USP42: variants seen among roughly 807,000 people sequenced by gnomAD.
USP42 encodes the protein ubiquitin carboxyl-terminal hydrolase 42.
A neutral mutation model predicts 113.0 loss-of-function variants in USP42; 23 were observed. That is an observed-to-expected ratio of 0.20 (90% confidence interval 0.15 to 0.29). USP42 has a LOEUF of 0.29. Among genes scored for constraint, USP42 ranks in the 10% least tolerant of loss-of-function variants. USP42 has a pLI of 1.00. For missense variants in USP42, 2,174 were observed against 1,779.8 expected (o/e 1.22, Z -3.99); for synonymous variants, 933 against 699.0 (o/e 1.33, Z -5.28).
intron 1 of USP42, among the ~76,000 whole-genome samples, chr7:6,108,382 A>G (rs1779409492): frequency 6.6e-6 from 1 of 152,170 alleles, no homozygotes; most frequent in Non-Finnish European, 1.5e-5. Context: ...TACAAAAAAG[A>G]AAAACCCCAG....
chr7:6,153,418 A>T (rs958263528), intron 14 of USP42, among the ~76,000 whole-genome samples: 1 of 152,186 alleles, frequency 6.6e-6, no homozygotes. Flanking sequence ...TTGATGATAT[A>T]ACATTTTATT....
At position 6,109,277 on chromosome 7, in the gene USP42, A is replaced by T. The variant is rs187847013; in HGVS notation, c.-9-1848A>T. On this transcript the variant is annotated intron_variant, in intron 1 of 17. Coordinates refer to ENST00000306177, the MANE Select transcript of USP42 (RefSeq NM_032172.3). ...AAAACAAGACTTCAGCATGGTGGGA[A>T]CGTGACGGAGAGGGTGTTTGGCGAG... 1.9e-3 allele frequency among the ~76,000 whole-genome samples: 291 copies of T among 152,276 alleles called. 1 individual carries two copies. Among genetic ancestry groups the T allele is most frequent in the African/African-American group, 6.8e-3 (282 of 41,570 alleles).
intron 14 of USP42, among the ~76,000 whole-genome samples, chr7:6,151,957 G>T (rs573525366): frequency 6.6e-6 from 1 of 152,256 alleles, no homozygotes; most frequent in Admixed American, 6.5e-5. Context: ...CCGTATGTAT[G>T]AGGTACATGA....
At chr7:6,152,916 A>G in intron 14 of USP42, 1 of 985,280 alleles carries the variant, frequency 1.0e-6, no homozygotes, top group Non-Finnish European at 1.2e-6. Context: ...AGTCGAGAGG[A>G]AAGGAGGAGG....
At chr7:6,109,350 G>A (rs1227546491) in intron 1 of USP42, among the ~76,000 whole-genome samples, 2 of 152,154 alleles carry the variant, frequency 1.3e-5, no homozygotes, top group Admixed American at 6.5e-5. Context: ...ATGTTGTGCT[G>A]TGGGCAGTTG....
rs1186382704 is a variant in USP42 at position 6,157,050 on chromosome 7, G to T, written c.3938G>T (p.Gly1313Val). The change falls in exon 16 of 18, where the codon GGC becomes GTC. Residue 1313 changes from glycine (G) to valine (V), a missense_variant. By Grantham distance (109) the Gly-to-Val change is moderately radical (BLOSUM62 -3). Transcript: ENST00000306177. The surrounding 1 kb of genome is among the most constrained non-coding windows in gnomAD (Gnocchi z 4.1). ...GACAGGTGTCGTCTCTTTGAGTATG[G>T]CCAGGGTAAGAGGAGATACTTGGAA... ...RDDRCRLFEY[G>V]QGD The T allele has an allele frequency of 6.3e-7, 1 of 1,598,920 alleles. No homozygotes were observed. The highest frequency in any genetic ancestry group is 2.2e-5 in the East Asian group (1 of 44,758).
rs561519405 is a variant in USP42, at chr7:6,119,698, T to A, written c.442+4175T>A. Reference sequence around the variant, plus strand: ...TTCATTTAGGCCTTGTTTTTTGTTGTTGTTGTTGTTTTGTTTTTTTTTAGT... The same window carrying A: ...TTCATTTAGGCCTTGTTTTTTGTTGATGTTGTTGTTTTGTTTTTTTTTAGT... On this transcript the variant is annotated intron_variant, in intron 3 of 17. Transcript: ENST00000306177. Among the ~76,000 whole-genome samples the A allele has an allele frequency of 1.9e-4, 29 of 152,200 alleles. No individual in the cohort carries two copies. In the South Asian group the frequency reaches 4.6e-3, roughly 24 times the overall value.
Position 6,139,780 on chromosome 7 carries a change from ACT to A in USP42, c.657-343_657-342del, listed in dbSNP as rs759757244. 36 of 369,302 alleles carry A rather than the reference ACT, an allele frequency of 9.7e-5. No homozygotes were observed. The highest frequency in any genetic ancestry group is 1.5e-4 in the African/African-American group (7 of 47,514). The allele number at this position is 369,302 out of a possible 1,614,324, so 22.9% of individuals were successfully genotyped here. A position where few individuals can be genotyped will look rare whatever the true frequency, so the allele number is the denominator to read the frequency against. On this transcript the variant is annotated intron_variant, in intron 5 of 17. Transcript: ENST00000306177. This position sits in a 1 kb window ranked among gnomAD's most constrained non-coding sequence, Gnocchi z 4.5. Reference sequence around the variant, plus strand: ...GATGACATACTTGGGTCGGAGGAAGACTCTCTGCCTTTTCCGCCTCCGCTCCC... The same window carrying A: ...GATGACATACTTGGGTCGGAGGAAGACTCTGCCTTTTCCGCCTCCGCTCCC...
rs1282715247 is a variant in USP42 at position 6,154,973 on chromosome 7, T to C, written c.3419T>C (p.Val1140Ala). ...DRFSHDRTALVAGDNCNLSDR... is the reference protein window; with the variant it reads ...DRFSHDRTALAAGDNCNLSDR... ...TTCTCCCACGACAGAACTGCACTTG[T>C]AGCCGGAGACAACTGTAACCTCTCT... Residue 1140 changes from valine (V) to alanine (A), a missense_variant, in exon 15 of 18, where the codon GTA (valine) becomes GCA (alanine). Coordinates refer to ENST00000306177, the MANE Select transcript of USP42 (RefSeq NM_032172.3). The C allele has an allele frequency of 1.3e-6, 2 of 1,561,694 alleles. No individual in the cohort carries two copies. The highest frequency in any genetic ancestry group is 1.2e-5 in the South Asian group (1 of 84,662).
chr7:6,111,407 G>C (rs1194986295), intron 2 of USP42, 33 bp downstream of exon 2: 1 of 1,601,312 alleles, frequency 6.2e-7, no homozygotes, highest in African/African-American at 1.3e-5. Flanking sequence ...ATTACCGCCA[G>C]AAACTCCTGT....
At chr7:6,099,354 A>T in the USP42 span, among the ~76,000 whole-genome samples, 1 of 148,294 alleles carries the variant, frequency 6.7e-6, no homozygotes, top group East Asian at 2.0e-4. Context: ...AGCTGGGACT[A>T]CAGGCACCCG....
chr7:6,154,472 C>G lies in USP42; in HGVS notation c.2918C>G (p.Thr973Ser), dbSNP rs539833267. Reference sequence around the variant, plus strand: ...CCCGCCAGAGAGAGCAGGAGCAAGACTGAGGGCCACCGTCACCGGCGGCGC... The same window carrying G: ...CCCGCCAGAGAGAGCAGGAGCAAGAGTGAGGGCCACCGTCACCGGCGGCGC... Reference protein sequence around the residue: ...GEPARESRSKTEGHRHRRRRT... With the variant: ...GEPARESRSKSEGHRHRRRRT... Residue 973 changes from threonine to serine, a missense_variant, in exon 15 of 18, where the codon ACT (threonine) becomes AGT (serine). By Grantham distance (58) the Thr-to-Ser change is moderately conservative. Coordinates refer to ENST00000306177, the MANE Select transcript of USP42 (RefSeq NM_032172.3). 2 of 1,557,470 alleles carry G rather than the reference C, an allele frequency of 1.3e-6. No homozygotes were observed. The highest frequency in any genetic ancestry group is 1.7e-6 in the Non-Finnish European group (2 of 1,151,996).
chr7:6,087,223 C>T, the USP42 span, among the ~76,000 whole-genome samples: 5 of 146,006 alleles, frequency 3.4e-5, 1 homozygote, highest in Admixed American at 3.4e-4. Context: ...GTAGAGAAGG[C>T]GTTCACCATG....
intron 1 of USP42, among the ~76,000 whole-genome samples, chr7:6,109,959 C>T (rs943866758): frequency 2.0e-5 from 3 of 151,744 alleles, no homozygotes; most frequent in Non-Finnish European, 4.4e-5. Flanking sequence ...CCTCGGCCTC[C>T]CAAAATGCTG....
chr7:6,150,136 C>T lies in USP42; in HGVS notation c.1940C>T (p.Thr647Ile), dbSNP rs1562848553. The change falls in exon 13 of 18, where the codon ACT (threonine) becomes ATT (isoleucine). Residue 647 changes from threonine (T) to isoleucine (I), a missense_variant. By Grantham distance (89) the Thr-to-Ile change is moderately conservative. Coordinates refer to ENST00000306177, the MANE Select transcript of USP42 (RefSeq NM_032172.3). Reference sequence around the variant, plus strand: ...CAAGATGCCGAAGATGAGGAGGCCACTCCGCACGAGCTTCAAGAACCCATG... The same window carrying T: ...CAAGATGCCGAAGATGAGGAGGCCATTCCGCACGAGCTTCAAGAACCCATG... ...PGQDAEDEEA[T>I]PHELQEPMTL... The T allele has an allele frequency of 6.2e-7, 1 of 1,613,460 alleles. No individual in the cohort carries two copies. Among genetic ancestry groups the T allele is most frequent in the Non-Finnish European group, 8.5e-7 (1 of 1,179,608 alleles).
chr7:6,157,137 A>G lies in USP42; in HGVS notation c.3943+82A>G. ...TTGCAAAGGTGATTAACATGTAGAA[A>G]GAAAACCTCAGGTGGCATCAAAGGG... On this transcript the variant is annotated intron_variant, in intron 16 of 17. Transcript: ENST00000306177. The surrounding 1 kb of genome is among the most constrained non-coding windows in gnomAD (Gnocchi z 4.1). The G allele has an allele frequency of 6.9e-7, 1 of 1,450,370 alleles. No homozygotes were observed. Among genetic ancestry groups the G allele is most frequent in the Non-Finnish European group, 9.0e-7 (1 of 1,107,416 alleles). 89.8% of individuals were successfully genotyped at this position (1,450,370 alleles called of 1,614,324 possible).
chr7:6,141,201 CTTTTTTTTTTTT>C (rs903124477), intron 7 of USP42, among the ~76,000 whole-genome samples: 40 of 124,006 alleles, frequency 3.2e-4, no homozygotes, highest in Non-Finnish European at 5.5e-4. Flanking sequence ...TTTTTCTTTT[CTTTTTTTTTTTT>C]TTTTTTTGAG....
At chr7:6,151,604 AT>A (rs58896926) in intron 14 of USP42, among the ~76,000 whole-genome samples, 3 of 149,862 alleles carry the variant, frequency 2.0e-5, no homozygotes, top group East Asian at 1.9e-4. Flanking sequence ...CACCCAGCTA[AT>A]TTTTTTTTTG....
intron 1 of USP42, among the ~76,000 whole-genome samples, chr7:6,108,680 C>A (rs1779426789): frequency 6.6e-6 from 1 of 152,124 alleles, no homozygotes; most frequent in Non-Finnish European, 1.5e-5. Context: ...AGGGTTTCAC[C>A]ATGTTGGTCA....
Sources: allele counts gnomAD v4.1 joint callset (sites outside exome capture counted in the v4.1 genomes callset), GRCh38; gene constraint gnomAD v4.1.1; non-coding constraint Gnocchi (gnomAD v3.1); transcripts MANE v1.5; gene names NCBI Gene and HGNC (gene_info 2026-07-23, HGNC 2026-07-21).